Variants in SH3GL2 observed in about 807,000 individuals in gnomAD.
SH3GL2 encodes the protein SH3 domain containing GRB2 like 2, endophilin A1.
Under a neutral mutation model 46.0 loss-of-function variants are expected in SH3GL2, and 24 were observed. That is an observed-to-expected ratio of 0.52 (90% CI 0.38 to 0.73). SH3GL2 has a LOEUF of 0.73. SH3GL2 is among the 30% of genes least tolerant of loss of function. SH3GL2 has a pLI of 0.00. For synonymous variants in SH3GL2, 196 were observed against 147.1 expected (o/e 1.33, Z -2.40); for missense variants, 413 against 424.2 (o/e 0.97, Z 0.23).
intron 1 of SH3GL2, among the ~76,000 whole-genome samples, chr9:17,728,204 T>G (rs748380500): frequency 3.3e-5 from 5 of 152,162 alleles, no homozygotes; most frequent in Non-Finnish European, 7.4e-5. Context: ...CTGACTCTTG[T>G]GGTGCTTAAA....
At position 17,796,064 on chromosome 9, in the gene SH3GL2, C is replaced by G. The variant is rs998169222; in HGVS notation, c.*321C>G. On this transcript the variant is annotated 3_prime_UTR_variant, in exon 9 of 9. Coordinates refer to ENST00000380607, the MANE Select transcript of SH3GL2 (RefSeq NM_003026.5). ...ACCATGAGCCATTTCACAGAAAAAC[C>G]ATCCCACCGAAGATATTGTCTATCA... The G allele has an allele frequency of 3.6e-6, 1 of 276,556 alleles. No homozygotes were observed. The highest frequency in any genetic ancestry group is 6.5e-5 in the East Asian group (1 of 15,378). 17.1% of individuals were successfully genotyped at this position (276,556 alleles called of 1,614,324 possible). A position where few individuals can be genotyped will look rare whatever the true frequency, so the allele number is the denominator to read the frequency against.
chr9:17,741,945 G>A (rs773226657), intron 1 of SH3GL2, among the ~76,000 whole-genome samples: 11 of 152,040 alleles, frequency 7.2e-5, no homozygotes, highest in Non-Finnish European at 1.3e-4. Flanking sequence ...TTGGCAATTG[G>A]TAGAATTTGA....
chr9:17,609,107 A>G (rs963525750), intron 1 of SH3GL2, among the ~76,000 whole-genome samples: 8 of 152,190 alleles, frequency 5.3e-5, no homozygotes, highest in Non-Finnish European at 1.0e-4. Context: ...TGACAATGTT[A>G]GTAACCCGCA....
intron 3 of SH3GL2, among the ~76,000 whole-genome samples, chr9:17,763,033 G>A (rs1307970899): frequency 6.6e-6 from 1 of 152,170 alleles, no homozygotes; most frequent in Non-Finnish European, 1.5e-5. Flanking sequence ...GAAAGGCAGT[G>A]GGAGGAGGAA....
At chr9:17,780,602 G>T (rs1335081694) in intron 3 of SH3GL2, among the ~76,000 whole-genome samples, 3 of 125,580 alleles carry the variant, frequency 2.4e-5, no homozygotes, top group South Asian at 3.0e-4. Context: ...CTAGCATTAG[G>T]TATATCTCCC....
chr9:17,606,721 C>G (rs1818767228), intron 1 of SH3GL2, among the ~76,000 whole-genome samples: 1 of 152,194 alleles, frequency 6.6e-6, no homozygotes, highest in Non-Finnish European at 1.5e-5. Flanking sequence ...TTTTCTTTCT[C>G]TTTGCTAAAT....
In SH3GL2 at chr9:17,697,120, G is replaced by A. The variant is rs553711688; in HGVS notation, c.46-49946G>A. On this transcript the variant is annotated intron_variant, in intron 1 of 8. Transcript: ENST00000380607. The stretch of plus-strand genomic sequence containing the variant: ...AGGCCACATGGGCTGTGAAAACCGG[G>A]CACTCAGGGCTGGATAGATTGATTG... Among the ~76,000 whole-genome samples, 15 of 152,258 alleles carry A rather than the reference G, an allele frequency of 9.9e-5. No individual in the cohort carries two copies. In the South Asian group the frequency reaches 1.0e-3, roughly 11 times the overall value.
At chr9:17,769,694 C>G (rs953026254) in intron 3 of SH3GL2, among the ~76,000 whole-genome samples, 2 of 152,136 alleles carry the variant, frequency 1.3e-5, no homozygotes, top group Non-Finnish European at 2.9e-5. Context: ...CTCATACCTC[C>G]TTATATTATT....
At chr9:17,593,925 C>G (rs1818527308) in intron 1 of SH3GL2, among the ~76,000 whole-genome samples, 1 of 152,280 alleles carries the variant, frequency 6.6e-6, no homozygotes, top group East Asian at 1.9e-4. Context: ...GTCACTTGAT[C>G]TCAACTTCTT....
intron 1 of SH3GL2, among the ~76,000 whole-genome samples, chr9:17,704,911 C>T (rs1053682168): frequency 4.0e-5 from 6 of 151,804 alleles, no homozygotes; most frequent in African/African-American, 1.5e-4. Context: ...AAAGTAATTG[C>T]AACAAAAACA....
intron 1 of SH3GL2, among the ~76,000 whole-genome samples, chr9:17,585,002 A>G (rs576421360): frequency 6.6e-6 from 1 of 152,214 alleles, no homozygotes; most frequent in Non-Finnish European, 1.5e-5. Context: ...ACCCTAGAAA[A>G]TGGCAAGACT....
At chr9:17,714,572 T>C (rs1407547589) in intron 1 of SH3GL2, among the ~76,000 whole-genome samples, 3 of 151,782 alleles carry the variant, frequency 2.0e-5, no homozygotes, top group South Asian at 2.1e-4. Flanking sequence ...GTCTATAACA[T>C]TGATCTTTAA....
chr9:17,772,384 A>T (rs1332516240), intron 3 of SH3GL2, among the ~76,000 whole-genome samples: 1 of 152,182 alleles, frequency 6.6e-6, no homozygotes, highest in African/African-American at 2.4e-5. Context: ...TTAAGTATAC[A>T]TTTCACTGGT....
At chr9:17,684,134 G>C (rs574035180) in intron 1 of SH3GL2, among the ~76,000 whole-genome samples, 1 of 152,202 alleles carries the variant, frequency 6.6e-6, no homozygotes, top group Admixed American at 6.5e-5. Context: ...CCAGATGTTA[G>C]AACTATCAGA....
chr9:17,695,433 C>G (rs1422155002), intron 1 of SH3GL2, among the ~76,000 whole-genome samples: 1 of 152,090 alleles, frequency 6.6e-6, no homozygotes, highest in Non-Finnish European at 1.5e-5. Context: ...CTTCTCTGCT[C>G]TGCACACATA....
intron 1 of SH3GL2, among the ~76,000 whole-genome samples, chr9:17,655,439 T>C (rs890125090): frequency 6.6e-6 from 1 of 152,182 alleles, no homozygotes; most frequent in Non-Finnish European, 1.5e-5. Context: ...GAGTCCATTC[T>C]AATAAAACAC....
At chr9:17,771,077 A>G (rs981620676) in intron 3 of SH3GL2, among the ~76,000 whole-genome samples, 54 of 152,312 alleles carry the variant, frequency 3.5e-4, no homozygotes, top group African/African-American at 1.3e-3. Context: ...TATGTAGAAA[A>G]CTAATACAGT....
At chr9:17,581,950 C>T (rs1191786342) in intron 1 of SH3GL2, among the ~76,000 whole-genome samples, 2 of 152,110 alleles carry the variant, frequency 1.3e-5, no homozygotes, top group Non-Finnish European at 2.9e-5. Flanking sequence ...CTGCCCGCCT[C>T]GATTACAGGC....
chr9:17,760,488 A>G (rs1823139265), intron 2 of SH3GL2, among the ~76,000 whole-genome samples: 1 of 151,986 alleles, frequency 6.6e-6, no homozygotes, highest in African/African-American at 2.4e-5. Context: ...TACTGATATT[A>G]TATACTGGTA....
Sources: allele counts gnomAD v4.1 joint callset (sites outside exome capture counted in the v4.1 genomes callset), GRCh38; gene constraint gnomAD v4.1.1; transcripts MANE v1.5; gene names NCBI Gene and HGNC (gene_info 2026-07-23, HGNC 2026-07-21).